PDXDC1: variants seen among roughly 807,000 people sequenced by gnomAD.
The protein encoded by PDXDC1 is pyridoxal-dependent decarboxylase domain-containing protein 1.
A neutral mutation model predicts 100.1 loss-of-function variants in PDXDC1; 42 were observed. The observed-to-expected ratio is 0.42, with a 90% CI of 0.33 to 0.54. The LOEUF (loss-of-function observed/expected upper bound fraction) is 0.54, where lower values mean the gene tolerates loss of function less well. Ranked by LOEUF, PDXDC1 falls within the 20% of genes least tolerant of loss-of-function variation. The pLI is 0.10. For missense variants in PDXDC1, 636 were observed against 979.2 expected (o/e 0.65, Z 4.68); for synonymous variants, 260 against 371.7 (o/e 0.70, Z 3.46).
chr16:15,147,265 C>A, the PDXDC1 span, among the ~76,000 whole-genome samples: 1 of 152,180 alleles, frequency 6.6e-6, no homozygotes, highest in Non-Finnish European at 1.5e-5. Flanking sequence ...GACTCGGAAG[C>A]GCCACTGCCA....
chr16:15,070,840 A>G (rs555171772), intron 16 of PDXDC1, among the ~76,000 whole-genome samples: 143 of 152,286 alleles, frequency 9.4e-4, no homozygotes, highest in Non-Finnish European at 1.8e-3. Flanking sequence ...AAAAAGAATC[A>G]AAACAGTATA....
intron 16 of PDXDC1, chr16:15,133,246 C>T (rs1435710476): frequency 6.7e-7 from 1 of 1,501,374 alleles, no homozygotes. Context: ...GTGAGGTCCC[C>T]TGCCAGGCTG....
Position 15,086,379 on chromosome 16 carries a change from T to C in PDXDC1, c.1400-52500T>C, listed in dbSNP as rs764080357. The C allele has an allele frequency of 6.2e-7, 1 of 1,613,654 alleles. No homozygotes were observed. The highest frequency in any genetic ancestry group is 1.3e-5 in the African/African-American group (1 of 74,920). On this transcript the variant is annotated intron_variant, in intron 16 of 16. Coordinates refer to the PDXDC1 transcript ENST00000535621. ...GGTGAACTTACTAATATAATACTGA[T>C]AAGTTGCTCAAAGTCTTTTGTCAAG...
At chr16:15,125,895 G>C (rs1048508072) in intron 16 of PDXDC1, 1 of 703,450 alleles carries the variant, frequency 1.4e-6, no homozygotes, top group East Asian at 2.7e-5. Context: ...AGACAGGACA[G>C]AGCCCGGTGC....
rs770133244 is a variant in PDXDC1 at position 15,080,065 on chromosome 16, C to G, written c.1399+50009C>G. ...ATGCCTCAAGGTTGGAAAATATACA[C>G]TAATCCTTAGTAAGTTATGAACGTA... On this transcript the variant is annotated intron_variant, in intron 16 of 16. Transcript: ENST00000535621. 1.8e-5 allele frequency: 29 copies of G among 1,601,850 alleles called. No homozygotes were observed. Among genetic ancestry groups the G allele is most frequent in the East Asian group, 8.9e-5 (4 of 44,744 alleles).
chr16:15,122,427 C>G (rs2047469402), intron 16 of PDXDC1, among the ~76,000 whole-genome samples: 2 of 145,416 alleles, frequency 1.4e-5, no homozygotes, highest in African/African-American at 2.6e-5. Flanking sequence ...GATGCCCTGG[C>G]TAGTCTTCAA....
intron 16 of PDXDC1, among the ~76,000 whole-genome samples, chr16:15,048,709 C>G (rs1330713240): frequency 6.6e-6 from 1 of 152,152 alleles, no homozygotes; most frequent in Non-Finnish European, 1.5e-5. Flanking sequence ...CTGCAGCCTC[C>G]ACCTCCCAGG....
rs981079921 is a variant in PDXDC1 at position 15,036,664 on chromosome 16, G to C, written c.*389G>C. 5 of 217,494 alleles carry C rather than the reference G, an allele frequency of 2.3e-5. No homozygotes were observed. The highest frequency in any genetic ancestry group is 4.6e-5 in the Non-Finnish European group (5 of 108,346). 13.5% of individuals were successfully genotyped at this position (217,494 alleles called of 1,614,324 possible). ...TTCATTAGCACTCTCCAGGTTCTCT[G>C]CAACACTTCACAGAGGCGAGACTGG... On this transcript the variant is annotated 3_prime_UTR_variant, in exon 23 of 23. Coordinates refer to ENST00000396410, the MANE Select transcript of PDXDC1 (RefSeq NM_015027.4).
At chr16:14,976,765 A>G (rs1216116807) in intron 1 of PDXDC1, 5 of 152,500 alleles carry the variant, frequency 3.3e-5, no homozygotes, top group African/African-American at 9.6e-5. Context: ...GTTGCACAGG[A>G]CAGCCCCCCA....
chr16:15,073,366 T>G (rs1312285061), intron 16 of PDXDC1, among the ~76,000 whole-genome samples: 1 of 152,128 alleles, frequency 6.6e-6, no homozygotes, highest in Non-Finnish European at 1.5e-5. Context: ...CTGAGGCGGA[T>G]GAACCGCTTG....
At chr16:15,057,422 GAT>G (rs1491163343) in intron 16 of PDXDC1, among the ~76,000 whole-genome samples, 1 of 152,196 alleles carries the variant, frequency 6.6e-6, no homozygotes, top group Admixed American at 6.5e-5. Flanking sequence ...CGTTATAACA[GAT>G]ACAGTAACTT....
downstream of PDXDC1, among the ~76,000 whole-genome samples, chr16:15,140,428 C>CAAG (rs1297093128): frequency 2.1e-4 from 22 of 103,572 alleles, no homozygotes; most frequent in Non-Finnish European, 7.1e-5. Context: ...CCCCATCCTG[C>CAAG]AAGAGTGAAG....
At chr16:15,085,751 T>C (rs926685557) in intron 16 of PDXDC1, 5 of 1,605,298 alleles carry the variant, frequency 3.1e-6, no homozygotes, top group Non-Finnish European at 4.3e-6. Flanking sequence ...AGACAATGAA[T>C]GGCTATACAA....
chr16:15,049,102 C>T (rs953801355), intron 16 of PDXDC1, among the ~76,000 whole-genome samples: 3 of 150,852 alleles, frequency 2.0e-5, no homozygotes, highest in African/African-American at 7.4e-5. Flanking sequence ...CTATGCTCCC[C>T]AGGCTGGTCT....
Position 15,119,444 on chromosome 16 carries a change from T to C in PDXDC1, c.1400-19435T>C, listed in dbSNP as rs2102496. The stretch of plus-strand genomic sequence containing the variant: ...TTTTTTTTTTTTTGAGACAGAGTTC[T>C]GCTCCACTCAGTCGCCCAGGCTGGA... On this transcript the variant is annotated intron_variant, in intron 16 of 16. Coordinates refer to the PDXDC1 transcript ENST00000535621. Among the ~76,000 whole-genome samples the C allele has an allele frequency of 9.8e-3, 1,461 of 148,896 alleles. 19 individuals carry two copies. Among genetic ancestry groups the C allele is most frequent in the Non-Finnish European group, 0.014 (931 of 66,948 alleles).
chr16:15,052,566 G>T (rs1158231551), intron 16 of PDXDC1, among the ~76,000 whole-genome samples: 3 of 152,210 alleles, frequency 2.0e-5, no homozygotes, highest in African/African-American at 7.2e-5. Flanking sequence ...CCAACACACT[G>T]GCTCACGCCT....
At chr16:15,032,319 A>G (rs1009803457) in intron 17 of PDXDC1, 4 of 192,996 alleles carry the variant, frequency 2.1e-5, no homozygotes, top group African/African-American at 2.3e-5. Context: ...CTCTTTTTGT[A>G]TTGCCCATGA....
chr16:15,061,940 C>G, intron 16 of PDXDC1: 1 of 1,578,482 alleles, frequency 6.3e-7, no homozygotes. Context: ...GTAACATCAC[C>G]AGTGCTGACT....
At chr16:15,046,768 G>C (rs182150140) in intron 16 of PDXDC1, among the ~76,000 whole-genome samples, 289 of 150,696 alleles carry the variant, frequency 1.9e-3, no homozygotes, top group African/African-American at 5.1e-3. Context: ...CCAGCTACTT[G>C]GGAGGCTGAG....
Sources: allele counts gnomAD v4.1 joint callset (sites outside exome capture counted in the v4.1 genomes callset), GRCh38; gene constraint gnomAD v4.1.1; transcripts MANE v1.5; gene names NCBI Gene and HGNC (gene_info 2026-07-23, HGNC 2026-07-21).